Variants in TBC1D5 observed in about 807,000 individuals in gnomAD.
TBC1D5 encodes the protein TBC1 domain family, member 5.
Under a neutral mutation model 100.3 loss-of-function variants are expected in TBC1D5, and 75 were observed. That is an observed-to-expected ratio of 0.75 (90% CI 0.62 to 0.91). The LOEUF (loss-of-function observed/expected upper bound fraction) is 0.91, where lower values mean the gene tolerates loss of function less well. Ranked by LOEUF, TBC1D5 falls within the 40% of genes least tolerant of loss-of-function variation. The probability of loss-of-function intolerance (pLI) is 0.00; values close to 1 mark genes in which losing one functional copy is unlikely to be tolerated. For synonymous variants in TBC1D5, 323 were observed against 325.6 expected (o/e 0.99, Z 0.09); for missense variants, 910 against 942.4 (o/e 0.97, Z 0.45).
intron 2 of TBC1D5, among the ~76,000 whole-genome samples, chr3:17,526,409 C>T (rs1322037892): frequency 6.6e-6 from 1 of 151,962 alleles, no homozygotes; most frequent in South Asian, 2.1e-4. Flanking sequence ...ATGTAGAGAC[C>T]AGGTCTCCCT....
exon 22 of TBC1D5, chr3:17,159,241 G>C (rs957612286): frequency 1.3e-5 from 2 of 152,190 alleles, no homozygotes; most frequent in Non-Finnish European, 2.9e-5. Flanking sequence ...TAGAGTTTAA[G>C]AGCAAATTGC....
chr3:17,179,095 G>A (rs1256403430), intron 19 of TBC1D5, among the ~76,000 whole-genome samples: 2 of 152,178 alleles, frequency 1.3e-5, no homozygotes, highest in Admixed American at 6.5e-5. Flanking sequence ...CTATAGGCAC[G>A]TGCCTCCAAC....
intron 8 of TBC1D5, among the ~76,000 whole-genome samples, chr3:17,384,226 T>C (rs551948055): frequency 6.6e-6 from 1 of 152,210 alleles, no homozygotes; most frequent in African/African-American, 2.4e-5. Flanking sequence ...CTTCAACATA[T>C]TCACATTTCA....
chr3:17,657,885 T>C (rs569694635), intron 1 of TBC1D5, among the ~76,000 whole-genome samples: 51 of 152,374 alleles, frequency 3.3e-4, no homozygotes, highest in African/African-American at 1.2e-3. Context: ...AGCTATTTTA[T>C]GCAAAAACAT....
intron 3 of TBC1D5, among the ~76,000 whole-genome samples, chr3:17,442,705 C>T (rs2094692969): frequency 6.6e-6 from 1 of 152,192 alleles, no homozygotes; most frequent in South Asian, 2.1e-4. Flanking sequence ...AAGTCCCAGA[C>T]TAACCTCTGA....
chr3:17,441,619 G>A (rs1467338596), intron 3 of TBC1D5, among the ~76,000 whole-genome samples: 2 of 152,190 alleles, frequency 1.3e-5, no homozygotes, highest in African/African-American at 4.8e-5. Flanking sequence ...AGAACTTATG[G>A]TTTTAATGGG....
intron 1 of TBC1D5, among the ~76,000 whole-genome samples, chr3:17,626,956 G>A (rs1442128301): frequency 6.6e-6 from 1 of 152,162 alleles, no homozygotes; most frequent in Non-Finnish European, 1.5e-5. Flanking sequence ...TTCCTAAGCA[G>A]GAGATTGTCT....
chr3:17,503,478 CA>C lies in TBC1D5; in HGVS notation c.97+4995del, dbSNP rs1168972533. 1.6e-4 allele frequency among the ~76,000 whole-genome samples: 24 copies of C among 149,530 alleles called. 2 individuals are homozygous for C. Among genetic ancestry groups the C allele is most frequent in the African/African-American group, 6.1e-4 (24 of 39,376 alleles). On this transcript the variant is annotated intron_variant, in intron 3 of 21. Transcript: ENST00000253692. ...GTCATAAACACCATGGTATCTTTTT[CA>C]ATGTTTTATTTCCAGCACTTAGAAC...
intron 3 of TBC1D5, among the ~76,000 whole-genome samples, chr3:17,466,602 T>C (rs1046741873): frequency 1.3e-4 from 20 of 152,204 alleles, no homozygotes; most frequent in Non-Finnish European, 2.6e-4. Context: ...GTTCCCAGTA[T>C]AATTTGGGTT....
intron 8 of TBC1D5, among the ~76,000 whole-genome samples, chr3:17,385,016 T>C (rs2093095099): frequency 6.6e-6 from 1 of 151,992 alleles, no homozygotes; most frequent in African/African-American, 2.4e-5. Flanking sequence ...TATAATAAAG[T>C]GAAATTTAAA....
At chr3:17,367,797 T>G (rs2092250103) in intron 13 of TBC1D5, among the ~76,000 whole-genome samples, 1 of 151,546 alleles carries the variant, frequency 6.6e-6, no homozygotes, top group Non-Finnish European at 1.5e-5. Flanking sequence ...AGGCAGAAGC[T>G]GCAGTGAGCC....
At chr3:17,396,612 G>C (rs2093512822) in intron 8 of TBC1D5, among the ~76,000 whole-genome samples, 1 of 151,402 alleles carries the variant, frequency 6.6e-6, no homozygotes, top group African/African-American at 2.4e-5. Flanking sequence ...AAATTACTCA[G>C]TAAAATAACT....
At chr3:17,521,664 G>A (rs2096064919) in intron 2 of TBC1D5, among the ~76,000 whole-genome samples, 1 of 151,892 alleles carries the variant, frequency 6.6e-6, no homozygotes, top group Non-Finnish European at 1.5e-5. Context: ...ATTTGGGGGG[G>A]GAAATCCAAA....
chr3:17,192,921 C>G (rs1435010967), intron 18 of TBC1D5, among the ~76,000 whole-genome samples: 1 of 152,208 alleles, frequency 6.6e-6, no homozygotes, highest in African/African-American at 2.4e-5. Context: ...ATCACTGAGC[C>G]CTTTTCCTTC....
chr3:17,520,905 G>C (rs2096057163), intron 2 of TBC1D5, among the ~76,000 whole-genome samples: 1 of 152,098 alleles, frequency 6.6e-6, no homozygotes, highest in Admixed American at 6.6e-5. Flanking sequence ...CAAAGGACAA[G>C]ACCCCAAAAG....
At chr3:17,565,909 A>G (rs547983630) in intron 2 of TBC1D5, among the ~76,000 whole-genome samples, 66 of 152,062 alleles carry the variant, frequency 4.3e-4, no homozygotes, top group Non-Finnish European at 8.2e-4. Context: ...TTTAATTACT[A>G]TAACTATACT....
intron 3 of TBC1D5, among the ~76,000 whole-genome samples, chr3:17,455,158 A>C (rs1312685622): frequency 6.8e-6 from 1 of 146,026 alleles, no homozygotes; most frequent in Non-Finnish European, 1.5e-5. Context: ...CCAAAAAAAA[A>C]AAAGTATACA....
intron 1 of TBC1D5, among the ~76,000 whole-genome samples, chr3:17,641,633 A>G (rs1242654881): frequency 6.6e-6 from 1 of 152,068 alleles, no homozygotes; most frequent in Non-Finnish European, 1.5e-5. Context: ...CTAATCTTCT[A>G]CATTCTTTTC....
rs1177936753 is a variant in TBC1D5, at chr3:17,171,291, A to G, written c.1853-3463T>C. ...GGCTTCTTTCAGTTGTGAAAAAAAA[A>G]AGTAACCTCTTGATTTGTCTACTTT... On this transcript the variant is annotated intron_variant, in intron 19 of 21. Transcript: ENST00000253692. Among the ~76,000 whole-genome samples the G allele has an allele frequency of 2.6e-5, 4 of 152,184 alleles. No homozygotes were observed. The East Asian group carries it at 7.7e-4, about 29-fold the overall frequency.
Sources: gnomAD v4.1 joint callset for allele counts (sites outside exome capture counted in the v4.1 genomes callset) on GRCh38, gnomAD v4.1.1 for gene constraint, MANE v1.5 for transcripts, NCBI Gene and HGNC (gene_info 2026-07-23, HGNC 2026-07-21) for gene names.